The following FADS6 variants were observed in gnomAD, a reference collection of about 807,000 sequenced individuals.
FADS6 encodes the protein fatty acid desaturase 6.
In FADS6, 28 loss-of-function variants were observed where a neutral mutation model predicts 31.7. The ratio of observed to expected loss-of-function variants is 0.88; its 90% confidence interval spans 0.66 to 1.21. The LOEUF (loss-of-function observed/expected upper bound fraction) is 1.21, where lower values mean the gene tolerates loss of function less well. FADS6 is among the 50% of genes most tolerant of loss of function. The probability of loss-of-function intolerance (pLI) is 0.00; values close to 1 mark genes in which losing one functional copy is unlikely to be tolerated. For missense variants in FADS6, 494 were observed against 504.2 expected (o/e 0.98, Z 0.19); for synonymous variants, 191 against 213.1 (o/e 0.90, Z 0.90).
rs1194479395 is a variant in FADS6, at chr17:74,877,360, G to A, written c.*971C>T. On this transcript the variant is annotated 3_prime_UTR_variant, in exon 6 of 6. Coordinates refer to ENST00000612771, the MANE Select transcript of FADS6 (RefSeq NM_178128.6). Reference sequence around the variant, plus strand: ...TATTTTTTTATTTTTTTGAGATGGAGTCTCGCTCTGTCACCCAGGCTGGAA... The same window carrying A: ...TATTTTTTTATTTTTTTGAGATGGAATCTCGCTCTGTCACCCAGGCTGGAA... 1 of 149,740 alleles carries A rather than the reference G, an allele frequency of 6.7e-6. No individual in the cohort carries two copies. Among genetic ancestry groups the A allele is most frequent in the African/African-American group, 2.5e-5 (1 of 40,568 alleles). The allele number at this position is 149,740 out of a possible 1,614,324, so 9.3% of individuals were successfully genotyped here.
chr17:74,877,961 T>C lies in FADS6; in HGVS notation c.*370A>G. ...CCTGTTCTCTCTGTGCCCCCTGCTA[T>C]CTCCCAGGTGGCCCCTGCACAGGAT... On this transcript the variant is annotated 3_prime_UTR_variant, in exon 6 of 6. Transcript: ENST00000612771. 1 of 1,010,462 alleles carries C rather than the reference T, an allele frequency of 9.9e-7. No homozygotes were observed. Among genetic ancestry groups the C allele is most frequent in the Non-Finnish European group, 1.2e-6 (1 of 846,676 alleles). 62.6% of individuals were successfully genotyped at this position (1,010,462 alleles called of 1,614,324 possible).
intron 2 of FADS6, among the ~76,000 whole-genome samples, chr17:74,883,072 T>A (rs1446572653): frequency 6.6e-6 from 1 of 152,252 alleles, no homozygotes; most frequent in African/African-American, 2.4e-5. Context: ...AATGATTTTG[T>A]GTGTGTTTCT....
At chr17:74,879,925 C>T (rs2144705868) in intron 4 of FADS6, among the ~76,000 whole-genome samples, 1 of 152,204 alleles carries the variant, frequency 6.6e-6, no homozygotes, top group East Asian at 1.9e-4. Context: ...CTCTGTTCAC[C>T]AGTCAAGATC....
Position 74,892,399 on chromosome 17 carries a change from T to C in FADS6, c.411+124A>G, listed in dbSNP as rs1449655401. On this transcript the variant is annotated intron_variant, in intron 2 of 5. Transcript: ENST00000612771. ...ACTGCACCAGTGGACCGGCATACCA[T>C]CAGCTGCAGCGGCCTGCCCCCGTGG... 6 of 1,178,688 alleles carry C rather than the reference T, an allele frequency of 5.1e-6. No individual in the cohort carries two copies. The Admixed American group carries it at 1.5e-4, about 29-fold the overall frequency. 73.0% of individuals were successfully genotyped at this position (1,178,688 alleles called of 1,614,324 possible).
Position 74,892,672 on chromosome 17 carries a change from A to C in FADS6, c.262T>G (p.Trp88Gly). ...ALPAGFLCLR[W>G]ENALVFASGI... ...GATGCAAAGACCAGGGCATTCTCCC[A>C]GCGCAGGCACAGGAAGCCTGCGTGG... The change falls in exon 2 of 6, where the codon TGG becomes GGG. Residue 88 changes from tryptophan to glycine, a missense_variant. Physicochemically the swap from Trp to Gly is radical, Grantham distance 184. Around this residue, in one of 2 missense-constraint regions of FADS6, gnomAD observed 454 missense variants for 438.5 expected, o/e 1.04. Coordinates refer to ENST00000612771, the MANE Select transcript of FADS6 (RefSeq NM_178128.6). The C allele has an allele frequency of 6.2e-7, 1 of 1,612,656 alleles. No individual in the cohort carries two copies.
rs149704371 is a variant in FADS6, at chr17:74,881,136, C to G, written c.712G>C (p.Ala238Pro). 104 of 1,613,570 alleles carry G rather than the reference C, an allele frequency of 6.4e-5. No individual in the cohort carries two copies. In the Middle Eastern group the frequency reaches 6.6e-4, roughly 10 times the overall value. Residue 238 changes from alanine to proline, a missense_variant, in exon 4 of 6, where the codon GCC becomes CCC. Around this residue, in one of 2 missense-constraint regions of FADS6, gnomAD observed 454 missense variants for 438.5 expected, o/e 1.04. Coordinates refer to ENST00000612771, the MANE Select transcript of FADS6 (RefSeq NM_178128.6). ...CTGGTGAGGAACATGCAGCCCAGGGCTGAGCTGGGGTTCTTGAAGCCTGAC... is the reference window on the plus strand; with the variant it reads ...CTGGTGAGGAACATGCAGCCCAGGGGTGAGCTGGGGTTCTTGAAGCCTGAC... ...NVSGFKNPSSALGCMFLTRSL... is the reference protein window; with the variant it reads ...NVSGFKNPSSPLGCMFLTRSL...
At chr17:74,880,344 CATT>C (rs1454125358) in intron 4 of FADS6, among the ~76,000 whole-genome samples, 2 of 151,854 alleles carry the variant, frequency 1.3e-5, no homozygotes, top group African/African-American at 4.8e-5. Flanking sequence ...AAGCTCACTT[CATT>C]ATTATTATTA....
At position 74,877,336 on chromosome 17, in the gene FADS6, A is replaced by G. The variant is rs905887544; in HGVS notation, c.*995T>C. ...TTTTTGAACGGGAGTCTTATTTTTT[A>G]TTTTTTTATTTTTTTGAGATGGAGT... On this transcript the variant is annotated 3_prime_UTR_variant, in exon 6 of 6. Coordinates refer to ENST00000612771, the MANE Select transcript of FADS6 (RefSeq NM_178128.6). The G allele has an allele frequency of 1.5e-5, 2 of 129,140 alleles. No individual in the cohort carries two copies. The highest frequency in any genetic ancestry group is 5.0e-4 in the South Asian group (2 of 3,996). The allele number at this position is 129,140 out of a possible 1,614,324, so 8.0% of individuals were successfully genotyped here. A position where few individuals can be genotyped will look rare whatever the true frequency, so the allele number is the denominator to read the frequency against.
At chr17:74,885,421 C>T (rs1598559113) in intron 2 of FADS6, among the ~76,000 whole-genome samples, 1 of 152,144 alleles carries the variant, frequency 6.6e-6, no homozygotes, top group African/African-American at 2.4e-5. Context: ...TACTGAGGTC[C>T]ATGGAGCCCC....
chr17:74,886,874 A>C (rs905138437), intron 2 of FADS6, among the ~76,000 whole-genome samples: 3 of 151,060 alleles, frequency 2.0e-5, no homozygotes, highest in African/African-American at 7.3e-5. Context: ...AGTTTGGCCA[A>C]CTCTGTCCTG....
chr17:74,888,136 ACACACACACACACACACACGCGCGCG>A (rs1248625493), intron 2 of FADS6, among the ~76,000 whole-genome samples: 1 of 85,086 alleles, frequency 1.2e-5, no homozygotes, highest in Non-Finnish European at 2.3e-5. Flanking sequence ...CCACACACAC[ACACACACACACACACACACGCGCGCG>A]CGCGCGCGCG....
At position 74,881,261 on chromosome 17, in the gene FADS6, A is replaced by G; in HGVS notation, c.593-6T>C. 6.3e-7 allele frequency: 1 copy of G among 1,588,028 alleles called. No individual in the cohort carries two copies. Among genetic ancestry groups the G allele is most frequent in the Non-Finnish European group, 8.6e-7 (1 of 1,167,884 alleles). ...CTCCACCTTCCTCAGCCGCTCTGCC[A>G]TAGAGGGAGGGGACAGGCAAGGCTC... On this transcript the variant is annotated splice_polypyrimidine_tract_variant and splice_region_variant and intron_variant, in intron 3 of 5. Coordinates refer to ENST00000612771, the MANE Select transcript of FADS6 (RefSeq NM_178128.6).
In FADS6 at chr17:74,885,966, G is replaced by A. The variant is rs138461193; in HGVS notation, c.412-3256C>T. Among the ~76,000 whole-genome samples the A allele has an allele frequency of 5.3e-3, 801 of 152,200 alleles. 10 individuals carry two copies. Among genetic ancestry groups the A allele is most frequent in the African/African-American group, 0.018 (762 of 41,502 alleles). ...GTCAAGAGTTCAAGACCAGCCAGGC[G>A]CAGTGGCTCACGCCTGTAATCTCAG... is the stretch of plus-strand genomic sequence containing the variant. On this transcript the variant is annotated intron_variant, in intron 2 of 5. Transcript: ENST00000612771.
intron 4 of FADS6, 145 bp downstream of exon 4, chr17:74,880,923 G>T: frequency 1.2e-6 from 1 of 828,714 alleles, no homozygotes. Flanking sequence ...GACGAGGCGA[G>T]GGCACAGTGT....
chr17:74,885,849 G>A (rs1410753129), intron 2 of FADS6, among the ~76,000 whole-genome samples: 3 of 152,118 alleles, frequency 2.0e-5, no homozygotes, highest in African/African-American at 4.8e-5. Flanking sequence ...GTAGTGTACT[G>A]TTTGTTTAAA....
rs2038522026 is a variant in FADS6 at position 74,877,820 on chromosome 17, T to G, written c.*511A>C. On this transcript the variant is annotated 3_prime_UTR_variant, in exon 6 of 6. Transcript: ENST00000612771. ...CGAGGAAGGCCTGCCAAAAGCAAGC[T>G]CACCCTAAGGTCCCCGGGGAGAGGG... 3.0e-6 allele frequency: 3 copies of G among 985,966 alleles called. No homozygotes were observed. The highest frequency in any genetic ancestry group is 4.7e-5 in the South Asian group (1 of 21,312). The allele number at this position is 985,966 out of a possible 1,614,324, so 61.1% of individuals were successfully genotyped here.
Position 74,879,461 on chromosome 17 carries a change from G to A in FADS6, c.903C>T (p.Ile301=), listed in dbSNP as rs1396267136. The change falls in exon 5 of 6, where the codon ATC becomes ATT. Residue 301 remains isoleucine (I), a synonymous_variant. Transcript: ENST00000612771. ...ATAGATGGTGTTCCACATGGCAGCT[G>A]ATGATCGAGTGGCCGAACGCCCAGT... ...VLDWAFGHSI[I]SCHVEHHLFP... is the part of the protein sequence containing the mutation. The A allele has an allele frequency of 1.9e-6, 3 of 1,613,842 alleles. No homozygotes were observed. Among genetic ancestry groups the A allele is most frequent in the African/African-American group, 2.7e-5 (2 of 74,932 alleles).
downstream of FADS6, among the ~76,000 whole-genome samples, chr17:74,875,051 G>A (rs763531197): frequency 2.0e-5 from 3 of 152,154 alleles, no homozygotes; most frequent in Non-Finnish European, 4.4e-5. Context: ...ATGGAAGTTC[G>A]TACAATCGAA....
At chr17:74,881,477 C>T (rs1426473366) in intron 3 of FADS6, among the ~76,000 whole-genome samples, 1 of 152,144 alleles carries the variant, frequency 6.6e-6, no homozygotes. Context: ...GCAAGCAGAT[C>T]GCTTGAGCCT....
Sources: gnomAD v4.1 joint callset for allele counts (sites outside exome capture counted in the v4.1 genomes callset) on GRCh38, gnomAD v4.1.1 for gene constraint, gnomAD v4.1.1 regional missense constraint, MANE v1.5 for transcripts, NCBI Gene and HGNC (gene_info 2026-07-23, HGNC 2026-07-21) for gene names.